The following RORA variants were observed in gnomAD, a reference collection of about 807,000 sequenced individuals.
RORA encodes RAR related orphan receptor A, also known as nuclear receptor ROR-alpha.
RORA carries 7 observed loss-of-function variants against 69.5 expected under a neutral mutation model. That is an observed-to-expected ratio of 0.10 (90% confidence interval 0.06 to 0.19). The LOEUF (loss-of-function observed/expected upper bound fraction) is 0.19. RORA is among the 10% of genes least tolerant of loss of function. RORA has a pLI of 1.00. For missense variants in RORA, 457 were observed against 663.0 expected, an observed-to-expected ratio of 0.69 and a Z score of 3.41; for synonymous variants, 261 against 240.8, an observed-to-expected ratio of 1.08 and a Z score of -0.78.
chr15:61,125,115 A>C (rs189644065), intron 1 of RORA, among the ~76,000 whole-genome samples: 6 of 152,330 alleles, frequency 3.9e-5, no homozygotes, highest in Non-Finnish European at 7.3e-5. Flanking sequence ...AATTGCCTAT[A>C]AAATATAAAA....
intron 1 of RORA, among the ~76,000 whole-genome samples, chr15:60,815,414 G>C (rs17204496): frequency 0.027 from 4,069 of 152,172 alleles, 60 homozygotes; most frequent in Non-Finnish European, 0.037. Context: ...ACCCTCAGCA[G>C]AGTCCTTAAA....
chr15:60,892,932 C>T (rs1891118854), intron 1 of RORA, among the ~76,000 whole-genome samples: 2 of 152,154 alleles, frequency 1.3e-5, no homozygotes, highest in Admixed American at 1.3e-4. Flanking sequence ...CTTACGTGAG[C>T]GATTAAATGG....
At chr15:60,954,748 A>G (rs879491495) in intron 1 of RORA, among the ~76,000 whole-genome samples, 4 of 152,216 alleles carry the variant, frequency 2.6e-5, no homozygotes, top group Non-Finnish European at 5.9e-5. Context: ...TGCCATTAAA[A>G]TTAATGATTC....
rs185922971 is a variant in RORA at position 60,769,633 on chromosome 15, A to G, written c.167-90947T>C. Among the ~76,000 whole-genome samples, 33 of 152,256 alleles carry G rather than the reference A, an allele frequency of 2.2e-4. No homozygotes were observed. The Middle Eastern group carries it at 0.01, about 47-fold the overall frequency. On this transcript the variant is annotated intron_variant, in intron 1 of 10. Transcript: ENST00000335670. ...TGGTCTCATTGGCAGTTAGATATTG[A>G]TGTTATAAACTCTCATGCCACGAGT... is the stretch of plus-strand genomic sequence containing the variant.
rs1306626518 is a variant in RORA at position 61,121,826 on chromosome 15, A to G, written c.166+107227T>C. Among the ~76,000 whole-genome samples the G allele has an allele frequency of 1.3e-4, 6 of 46,836 alleles. No individual in the cohort carries two copies. In the East Asian group the frequency reaches 2.2e-3, roughly 17 times the overall value. 30.7% of individuals were successfully genotyped at this position (46,836 alleles called of 152,430 possible). ...CCCTTAGCAATGTAACTGCCAAAAG[A>G]AAAAAAAAAAATGACTTCCTATAAA... On this transcript the variant is annotated intron_variant, in intron 1 of 10. Transcript: ENST00000335670.
chr15:60,730,496 T>C (rs896443224), intron 1 of RORA, among the ~76,000 whole-genome samples: 8 of 152,238 alleles, frequency 5.3e-5, no homozygotes, highest in Non-Finnish European at 8.8e-5. Context: ...TGCAGTAGTA[T>C]GTAGAATACA....
intron 1 of RORA, among the ~76,000 whole-genome samples, chr15:60,758,512 C>A (rs2071835013): frequency 6.6e-6 from 1 of 152,130 alleles, no homozygotes; most frequent in South Asian, 2.1e-4. Context: ...CCATTTGCCA[C>A]AACTTGTTCC....
chr15:60,620,266 G>A (rs190116522), intron 2 of RORA, among the ~76,000 whole-genome samples: 24 of 152,218 alleles, frequency 1.6e-4, no homozygotes, highest in Admixed American at 1.4e-3. Flanking sequence ...ATGTGAAAGG[G>A]AAAAAGACCT....
At chr15:61,189,587 G>C (rs904988603) in intron 1 of RORA, among the ~76,000 whole-genome samples, 11 of 152,154 alleles carry the variant, frequency 7.2e-5, no homozygotes, top group Non-Finnish European at 1.6e-4. Flanking sequence ...GCCAGGTGTG[G>C]TGGCTCACAC....
At chr15:60,997,039 TTGTGTGTGTGTGTG>T (rs10687177) in intron 1 of RORA, among the ~76,000 whole-genome samples, 2 of 148,330 alleles carry the variant, frequency 1.3e-5, no homozygotes, top group Non-Finnish European at 3.0e-5. Flanking sequence ...ATATTGGGGT[TTGTGTGTGTGTGTG>T]TGTGTGTGTG....
chr15:60,788,403 C>A (rs939768140), intron 1 of RORA, among the ~76,000 whole-genome samples: 1 of 152,186 alleles, frequency 6.6e-6, no homozygotes. Flanking sequence ...AGGCCAGGAA[C>A]GCACAGCTCA....
chr15:61,027,025 T>C (rs1047114516), intron 1 of RORA, among the ~76,000 whole-genome samples: 19 of 152,074 alleles, frequency 1.2e-4, no homozygotes, highest in Middle Eastern at 3.4e-3. Context: ...AAAAAGCTGT[T>C]GAATTTCACC....
intron 1 of RORA, among the ~76,000 whole-genome samples, chr15:60,883,150 AAGAAAGAGAGAGAG>A (rs2073708703): frequency 2.1e-5 from 1 of 48,590 alleles, no homozygotes; most frequent in African/African-American, 8.3e-5. Context: ...AAAAAAAAAA[AAGAAAGAGAGAGAG>A]AGAGAGAGAG....
intron 3 of RORA, chr15:60,530,139 A>T (rs770451779): frequency 6.6e-6 from 1 of 152,336 alleles, no homozygotes; most frequent in Non-Finnish European, 1.5e-5. Flanking sequence ...AACACAAGAC[A>T]GGGTGAGGGT....
At chr15:61,178,374 A>G (rs1028432805) in intron 1 of RORA, among the ~76,000 whole-genome samples, 1 of 152,232 alleles carries the variant, frequency 6.6e-6, no homozygotes, top group African/African-American at 2.4e-5. Flanking sequence ...AAACTCTTTC[A>G]TCCTTTTTCC....
At chr15:61,036,588 G>C (rs985693596) in intron 1 of RORA, among the ~76,000 whole-genome samples, 2 of 152,096 alleles carry the variant, frequency 1.3e-5, no homozygotes, top group African/African-American at 4.8e-5. Context: ...TCTTTGATGA[G>C]TTCTCTGGAC....
chr15:61,133,472 C>G (rs559082315), intron 1 of RORA, among the ~76,000 whole-genome samples: 1 of 152,104 alleles, frequency 6.6e-6, no homozygotes. Flanking sequence ...TAAAAAGAAT[C>G]TGGAGAAGCA....
intron 1 of RORA, among the ~76,000 whole-genome samples, chr15:60,916,555 C>CTCTTA (rs1369217341): frequency 3.9e-5 from 6 of 152,194 alleles, no homozygotes; most frequent in Non-Finnish European, 8.8e-5. Context: ...CATCAGCTTC[C>CTCTTA]TCTTAATAAA....
At chr15:60,691,161 C>G (rs920886127) in intron 1 of RORA, among the ~76,000 whole-genome samples, 6 of 152,110 alleles carry the variant, frequency 3.9e-5, no homozygotes, top group Non-Finnish European at 8.8e-5. Flanking sequence ...TCCACTTCTC[C>G]GCAGGTCTCC....
Sources: gnomAD v4.1 joint callset for allele counts (sites outside exome capture counted in the v4.1 genomes callset) on GRCh38, gnomAD v4.1.1 for gene constraint, MANE v1.5 for transcripts, NCBI Gene and HGNC (gene_info 2026-07-23, HGNC 2026-07-21) for gene names.